The following ARHGEF3 variants were observed in gnomAD, a reference collection of about 807,000 sequenced individuals.
ARHGEF3 encodes the protein 59.8 kDA protein.
Under a neutral mutation model 63.2 loss-of-function variants are expected in ARHGEF3, and 28 were observed. The observed-to-expected ratio is 0.44, with a 90% CI of 0.33 to 0.61. ARHGEF3 has a LOEUF of 0.61. Among genes scored for constraint, ARHGEF3 ranks in the 20% least tolerant of loss-of-function variants. The pLI is 0.03. For missense variants in ARHGEF3, 533 were observed against 659.3 expected (o/e 0.81, Z 2.10); for synonymous variants, 266 against 254.2 (o/e 1.05, Z -0.44).
At chr3:56,942,289 T>C (rs1047006763) in intron 3 of ARHGEF3, among the ~76,000 whole-genome samples, 6 of 152,218 alleles carry the variant, frequency 3.9e-5, no homozygotes, top group Non-Finnish European at 8.8e-5. Context: ...TTTCCAACAG[T>C]ATGTGCTCAA....
intron 4 of ARHGEF3, among the ~76,000 whole-genome samples, chr3:56,853,459 C>T (rs1168242026): frequency 6.6e-6 from 1 of 152,176 alleles, no homozygotes; most frequent in Non-Finnish European, 1.5e-5. Flanking sequence ...GCCTCAGCCT[C>T]CCAAGTAGCT....
intron 2 of ARHGEF3, among the ~76,000 whole-genome samples, chr3:57,031,820 T>C (rs1263277650): frequency 1.3e-5 from 2 of 152,100 alleles, no homozygotes; most frequent in Non-Finnish European, 2.9e-5. Flanking sequence ...TGTGATGCTG[T>C]GGAAAGAGCC....
intron 3 of ARHGEF3, among the ~76,000 whole-genome samples, chr3:56,909,925 C>A (rs1358655614): frequency 6.6e-6 from 1 of 152,100 alleles, no homozygotes; most frequent in Admixed American, 6.6e-5. Flanking sequence ...CAACTCTGAG[C>A]CTACATCTTA....
At position 56,729,302 on chromosome 3, in the gene ARHGEF3, C is replaced by T. The variant is rs1301777900; in HGVS notation, c.1549G>A (p.Gly517Arg). The T allele has an allele frequency of 6.2e-6, 10 of 1,613,652 alleles. No homozygotes were observed. The highest frequency in any genetic ancestry group is 7.6e-6 in the Non-Finnish European group (9 of 1,179,788). The change falls in exon 10 of 10, where the codon GGA becomes AGA. Residue 517 changes from glycine (G) to arginine (R), a missense_variant. Transcript: ENST00000296315. ...ERMEQTDSSC[G>R]NSRHGESNV ...TTACTTTCACCGTGCCTGCTGTTTC[C>T]ACAGGAAGAGTCTGTCTGTTCCATG...
At position 56,945,670 on chromosome 3, in the gene ARHGEF3, C is replaced by A. The variant is rs529711534; in HGVS notation, c.129+13153G>T. On this transcript the variant is annotated intron_variant, in intron 3 of 12. Transcript: ENST00000338458. ...TGGAGCCCACCACAGCTCAAGGACACCTGCCTGCCTCTGTAGACTCCACCT... is the reference window on the plus strand; with the variant it reads ...TGGAGCCCACCACAGCTCAAGGACAACTGCCTGCCTCTGTAGACTCCACCT... 3.3e-5 allele frequency among the ~76,000 whole-genome samples: 5 copies of A among 152,342 alleles called. No individual in the cohort carries two copies. The South Asian group carries it at 8.3e-4, about 25-fold the overall frequency.
At chr3:56,794,925 C>G (rs2037273052) in intron 1 of ARHGEF3, among the ~76,000 whole-genome samples, 1 of 152,092 alleles carries the variant, frequency 6.6e-6, no homozygotes, top group Admixed American at 6.5e-5. Context: ...GTGGCACAAT[C>G]TCAGCTCATT....
At chr3:56,752,670 T>C (rs1013208230) in intron 4 of ARHGEF3, among the ~76,000 whole-genome samples, 4 of 152,338 alleles carry the variant, frequency 2.6e-5, no homozygotes, top group African/African-American at 9.6e-5. Flanking sequence ...TTGGCAAATC[T>C]TGATGCAGGA....
intron 1 of ARHGEF3, among the ~76,000 whole-genome samples, chr3:57,051,918 G>A (rs565006106): frequency 4.9e-4 from 74 of 152,088 alleles, no homozygotes; most frequent in African/African-American, 1.8e-3. Context: ...AGCCAAGATC[G>A]TGCCACTGCA....
intron 1 of ARHGEF3, among the ~76,000 whole-genome samples, chr3:56,792,225 G>C (rs564662937): frequency 1.3e-5 from 2 of 152,292 alleles, no homozygotes; most frequent in South Asian, 4.1e-4. Context: ...AAGGTGTCTT[G>C]ATTGCAACAT....
At chr3:56,952,101 A>G (rs1699839105) in intron 3 of ARHGEF3, among the ~76,000 whole-genome samples, 2 of 152,006 alleles carry the variant, frequency 1.3e-5, no homozygotes, top group South Asian at 4.1e-4. Flanking sequence ...GTAACTAATC[A>G]TTGGCTTTTA....
intron 2 of ARHGEF3, among the ~76,000 whole-genome samples, chr3:56,992,375 TAAAAAAAAAAAAAAAAA>T (rs57740672): frequency 0.075 from 3,438 of 46,084 alleles, 228 homozygotes; most frequent in African/African-American, 0.16. Flanking sequence ...AGGATGGCTT[TAAAAAAAAAAAAAAAAA>T]AAAAAAAAAA....
At chr3:56,859,429 G>A (rs572355743) in intron 4 of ARHGEF3, among the ~76,000 whole-genome samples, 2 of 151,164 alleles carry the variant, frequency 1.3e-5, no homozygotes, top group East Asian at 2.0e-4. Flanking sequence ...AGGAGCCACC[G>A]TGCTCAGCCT....
intron 6 of ARHGEF3, among the ~76,000 whole-genome samples, chr3:56,749,516 C>T (rs1322606290): frequency 6.6e-6 from 1 of 152,156 alleles, no homozygotes; most frequent in Non-Finnish European, 1.5e-5. Flanking sequence ...CATTTACCCC[C>T]ATATCAAAGC....
At chr3:56,744,497 C>T (rs997662541) in intron 7 of ARHGEF3, among the ~76,000 whole-genome samples, 2 of 151,486 alleles carry the variant, frequency 1.3e-5, no homozygotes, top group East Asian at 3.9e-4. Context: ...CTCCCAGGCT[C>T]AAGCGATTCT....
intron 1 of ARHGEF3, among the ~76,000 whole-genome samples, chr3:56,778,101 GA>G (rs2036370619): frequency 6.6e-6 from 1 of 152,112 alleles, no homozygotes; most frequent in Non-Finnish European, 1.5e-5. Context: ...TGTTAAATAG[GA>G]AGTTACAATC....
At chr3:57,018,351 C>T (rs1421253714) in intron 2 of ARHGEF3, among the ~76,000 whole-genome samples, 1 of 151,546 alleles carries the variant, frequency 6.6e-6, no homozygotes, top group Non-Finnish European at 1.5e-5. Flanking sequence ...AATAATGTCA[C>T]ATTTTCTGCA....
intron 4 of ARHGEF3, among the ~76,000 whole-genome samples, chr3:56,815,961 C>T (rs2038254268): frequency 6.6e-6 from 1 of 152,124 alleles, no homozygotes; most frequent in South Asian, 2.1e-4. Context: ...TGTCTATAAT[C>T]CCAGTACTTT....
chr3:56,826,574 T>C (rs2038720001), intron 4 of ARHGEF3, among the ~76,000 whole-genome samples: 1 of 152,152 alleles, frequency 6.6e-6, no homozygotes, highest in Non-Finnish European at 1.5e-5. Flanking sequence ...GAGAAGAAAG[T>C]AGGAAAATGT....
At chr3:57,067,452 C>CG (rs1479536557) in intron 1 of ARHGEF3, among the ~76,000 whole-genome samples, 2 of 83,860 alleles carry the variant, frequency 2.4e-5, no homozygotes, top group East Asian at 1.8e-3. Context: ...GACTCTGTCT[C>CG]AAAATAATAA....
Sources: allele counts gnomAD v4.1 joint callset (sites outside exome capture counted in the v4.1 genomes callset), GRCh38; gene constraint gnomAD v4.1.1; transcripts MANE v1.5; gene names NCBI Gene and HGNC (gene_info 2026-07-23, HGNC 2026-07-21).